Variants in SOD3 observed in about 807,000 individuals in gnomAD.
The protein encoded by SOD3 is superoxide dismutase 3.
SOD3 carries 3 observed loss-of-function variants against 2.6 expected under a neutral mutation model. The observed-to-expected ratio is 1.13, with a 90% CI of 0.52 to 2.93. The LOEUF (loss-of-function observed/expected upper bound fraction) is 2.93, where lower values mean the gene tolerates loss of function less well. SOD3 is among the 30% of genes most tolerant of loss of function. The pLI is 0.04. For synonymous variants in SOD3, 188 were observed against 177.5 expected (o/e 1.06, Z -0.47); for missense variants, 379 against 370.4 (o/e 1.02, Z -0.19).
intron 1 of SOD3, among the ~76,000 whole-genome samples, chr4:24,797,596 T>G (rs1713710054): frequency 6.6e-6 from 1 of 152,166 alleles, no homozygotes; most frequent in African/African-American, 2.4e-5. Flanking sequence ...GATGAGACAG[T>G]GTACAGTCTG....
Position 24,800,403 on chromosome 4 carries a change from G to A in SOD3, c.*159G>A, listed in dbSNP as rs1422491008. Reference sequence around the variant, plus strand: ...CTCCACCCAGAGGTCTCCCTATACCGAGACCCACCATCCTTCCATCCTGAG... The same window carrying A: ...CTCCACCCAGAGGTCTCCCTATACCAAGACCCACCATCCTTCCATCCTGAG... On this transcript the variant is annotated 3_prime_UTR_variant, in exon 2 of 2. Transcript: ENST00000382120. The A allele has an allele frequency of 2.9e-6, 2 of 697,800 alleles. No individual in the cohort carries two copies. The highest frequency in any genetic ancestry group is 4.6e-4 in the Middle Eastern group (1 of 2,170). 43.2% of individuals were successfully genotyped at this position (697,800 alleles called of 1,614,324 possible).
At position 24,798,610 on chromosome 4, in the gene SOD3, C is replaced by G. The variant is rs146918687; in HGVS notation, c.-16-896C>G. On this transcript the variant is annotated intron_variant, in intron 1 of 1. Transcript: ENST00000382120. Reference sequence around the variant, plus strand: ...TCCCCTTTCCTCTTCATCCCAAAGTCCAACCCATATCCTTTTACCAGTAGG... The same window carrying G: ...TCCCCTTTCCTCTTCATCCCAAAGTGCAACCCATATCCTTTTACCAGTAGG... Among the ~76,000 whole-genome samples the G allele has an allele frequency of 2.6e-5, 4 of 152,272 alleles. No homozygotes were observed. In the East Asian group the frequency reaches 7.7e-4, roughly 29 times the overall value.
chr4:24,796,869 G>A (rs887973982), intron 1 of SOD3, among the ~76,000 whole-genome samples: 1 of 152,114 alleles, frequency 6.6e-6, no homozygotes, highest in Non-Finnish European at 1.5e-5. Flanking sequence ...GTGCTTTTAG[G>A]GAGAACTTTC....
rs768233733 is a variant in SOD3 at position 24,799,940 on chromosome 4, C to G, written c.419C>G (p.Pro140Arg). The G allele has an allele frequency of 2.5e-6, 4 of 1,594,888 alleles. No homozygotes were observed. The highest frequency in any genetic ancestry group is 3.4e-6 in the Non-Finnish European group (4 of 1,177,264). The change falls in exon 2 of 2, where the codon CCG becomes CGG. Residue 140 changes from proline (P) to arginine (R), a missense_variant. Transcript: ENST00000382120. ...TACAACCCGCTGGCCGTGCCGCACC[C>G]GCAGCACCCGGGCGACTTCGGCAAC... ...PHYNPLAVPH[P>R]QHPGDFGNFA...
Position 24,799,849 on chromosome 4 carries a change from A to T in SOD3, c.328A>T (p.Ser110Cys), listed in dbSNP as rs767330786. The change falls in exon 2 of 2, where the codon AGC becomes TGC. Residue 110 changes from serine to cysteine, a missense_variant. Transcript: ENST00000382120. The part of the protein sequence containing the change: ...EGFPTEPNSS[S>C]RAIHVHQFGD... ...CTTCCCGACCGAGCCGAACAGCTCCAGCCGCGCCATCCACGTGCACCAGTT... is the reference window on the plus strand; with the variant it reads ...CTTCCCGACCGAGCCGAACAGCTCCTGCCGCGCCATCCACGTGCACCAGTT... 41 of 1,602,352 alleles carry T rather than the reference A, an allele frequency of 2.6e-5. No individual in the cohort carries two copies. The South Asian group carries it at 4.3e-4, about 17-fold the overall frequency.
At chr4:24,797,467 G>A (rs577717412) in intron 1 of SOD3, among the ~76,000 whole-genome samples, 39 of 152,242 alleles carry the variant, frequency 2.6e-4, no homozygotes, top group East Asian at 1.9e-3. Context: ...AGTGTCTGGC[G>A]CCTGTGTTCG....
chr4:24,795,898 G>T (rs2109069018), intron 1 of SOD3, among the ~76,000 whole-genome samples: 1 of 152,228 alleles, frequency 6.6e-6, no homozygotes, highest in South Asian at 2.1e-4. Flanking sequence ...GGATTTTAGT[G>T]TTAGGAAAAG....
Position 24,799,478 on chromosome 4 carries a change from C to A in SOD3, c.-16-28C>A, listed in dbSNP as rs981479726. The stretch of plus-strand genomic sequence containing the variant: ...TTTCACGTGACTAAGCCTCACTCTG[C>A]CCCCACCTCCGCGGGGGCGTCCCGC... On this transcript the variant is annotated intron_variant, in intron 1 of 1. Transcript: ENST00000382120. The A allele has an allele frequency of 2.5e-6, 4 of 1,589,670 alleles. No homozygotes were observed. The African/African-American group carries it at 5.4e-5, about 21-fold the overall frequency.
At position 24,800,170 on chromosome 4, in the gene SOD3, C is replaced by A; in HGVS notation, c.649C>A (p.Leu217Ile). ...CGTGGTGGGCGTGTGCGGGCCCGGG[C>A]TCTGGGAGCGCCAGGCGCGGGAGCA... The part of the protein sequence containing the change: ...CCVVGVCGPG[L>I]WERQAREHSE... Residue 217 changes from leucine (L) to isoleucine (I), a missense_variant, in exon 2 of 2, where the codon CTC becomes ATC. Physicochemically the swap from Leu to Ile is conservative, Grantham distance 5 (BLOSUM62 2). Transcript: ENST00000382120. 7.0e-7 allele frequency: 1 copy of A among 1,419,556 alleles called. No homozygotes were observed. Among genetic ancestry groups the A allele is most frequent in the Non-Finnish European group, 9.1e-7 (1 of 1,094,806 alleles). 87.9% of individuals were successfully genotyped at this position (1,419,556 alleles called of 1,614,324 possible). A position where few individuals can be genotyped will look rare whatever the true frequency, so the allele number is the denominator to read the frequency against.
chr4:24,799,941 G>A lies in SOD3; in HGVS notation c.420G>A (p.Pro140=), dbSNP rs778352389. The A allele has an allele frequency of 5.0e-6, 8 of 1,594,578 alleles. No homozygotes were observed. Among genetic ancestry groups the A allele is most frequent in the Non-Finnish European group, 5.9e-6 (7 of 1,177,136 alleles). ...ACAACCCGCTGGCCGTGCCGCACCC[G>A]CAGCACCCGGGCGACTTCGGCAACT... The part of the protein sequence containing the change: ...PHYNPLAVPH[P]QHPGDFGNFA... The change falls in exon 2 of 2, where the codon CCG becomes CCA. Residue 140 remains proline (P), a synonymous_variant. Coordinates refer to ENST00000382120, the MANE Select transcript of SOD3 (RefSeq NM_003102.4).
In SOD3 at chr4:24,800,072, A is replaced by G. The variant is rs1713798792; in HGVS notation, c.551A>G (p.Glu184Gly). 7.0e-7 allele frequency: 1 copy of G among 1,431,212 alleles called. No homozygotes were observed. The highest frequency in any genetic ancestry group is 9.1e-7 in the Non-Finnish European group (1 of 1,104,224). The allele number at this position is 1,431,212 out of a possible 1,614,324, so 88.7% of individuals were successfully genotyped here. A position where few individuals can be genotyped will look rare whatever the true frequency, so the allele number is the denominator to read the frequency against. ...VGRAVVVHAG[E>G]DDLGRGGNQA... is the part of the protein sequence containing the mutation. Reference sequence around the variant, plus strand: ...CGGGCCGTGGTCGTCCACGCTGGCGAGGACGACCTGGGCCGCGGCGGCAAC... The same window carrying G: ...CGGGCCGTGGTCGTCCACGCTGGCGGGGACGACCTGGGCCGCGGCGGCAAC... Residue 184 changes from glutamate to glycine, a missense_variant, in exon 2 of 2, where the codon GAG becomes GGG. By Grantham distance (98) the Glu-to-Gly change is moderately conservative. Coordinates refer to ENST00000382120, the MANE Select transcript of SOD3 (RefSeq NM_003102.4).
At chr4:24,798,027 G>A (rs1482107106) in intron 1 of SOD3, among the ~76,000 whole-genome samples, 1 of 152,116 alleles carries the variant, frequency 6.6e-6, no homozygotes, top group African/African-American at 2.4e-5. Context: ...TTTGATAGAG[G>A]TGTCTTCTTT....
rs564202466 is a variant in SOD3 at position 24,796,835 on chromosome 4, C to T, written c.-17+1184C>T. ...TTGAAAAAGAAAGCTCACTGACACA[C>T]CCAAAACAATCTGGTTTTGCTCTGT... On this transcript the variant is annotated intron_variant, in intron 1 of 1. Coordinates refer to ENST00000382120, the MANE Select transcript of SOD3 (RefSeq NM_003102.4). 1.2e-4 allele frequency among the ~76,000 whole-genome samples: 19 copies of T among 152,246 alleles called. No homozygotes were observed. The South Asian group carries it at 3.7e-3, about 30-fold the overall frequency.
chr4:24,799,670 T>C lies in SOD3; in HGVS notation c.149T>C (p.Met50Thr). 1.9e-6 allele frequency: 3 copies of C among 1,600,146 alleles called. No individual in the cohort carries two copies. The highest frequency in any genetic ancestry group is 2.6e-6 in the Non-Finnish European group (3 of 1,176,198). ...AKVTEIWQEV[M>T]QRRDDDGALH... ...GTCACGGAGATCTGGCAGGAGGTCA[T>C]GCAGCGGCGGGACGACGACGGCGCG... Residue 50 changes from methionine (M) to threonine (T), a missense_variant, in exon 2 of 2, where the codon ATG (methionine) becomes ACG (threonine). Physicochemically the swap from Met to Thr is moderately conservative, Grantham distance 81. Transcript: ENST00000382120.
chr4:24,799,744 C>A lies in SOD3; in HGVS notation c.223C>A (p.Gln75Lys). ...VQPSATLDAA[Q>K]PRVTGVVLFR... is the part of the protein sequence containing the mutation. ...GCCGTCGGCCACGCTGGACGCCGCG[C>A]AGCCCCGGGTGACCGGCGTCGTCCT... is the stretch of plus-strand genomic sequence containing the variant. Residue 75 changes from glutamine to lysine, a missense_variant, in exon 2 of 2, where the codon CAG becomes AAG. Physicochemically the swap from Gln to Lys is moderately conservative, Grantham distance 53. Coordinates refer to ENST00000382120, the MANE Select transcript of SOD3 (RefSeq NM_003102.4). 6.4e-7 allele frequency: 1 copy of A among 1,561,920 alleles called. No individual in the cohort carries two copies.
rs748506651 is a variant in SOD3, at chr4:24,799,716, G to A, written c.195G>A (p.Val65=). Residue 65 remains valine (V), a synonymous_variant, in exon 2 of 2, where the codon GTG becomes GTA. Transcript: ENST00000382120. ...DDGALHAACQ[V]QPSATLDAAQ... The stretch of plus-strand genomic sequence containing the variant: ...GCGCGCTCCACGCCGCCTGCCAGGT[G>A]CAGCCGTCGGCCACGCTGGACGCCG... The A allele has an allele frequency of 4.3e-5, 67 of 1,567,886 alleles. No homozygotes were observed. The Middle Eastern group carries it at 8.3e-4, about 19-fold the overall frequency.
chr4:24,800,143 T>C lies in SOD3; in HGVS notation c.622T>C (p.Cys208Arg). 2 of 1,387,308 alleles carry C rather than the reference T, an allele frequency of 1.4e-6. No homozygotes were observed. The highest frequency in any genetic ancestry group is 1.8e-6 in the Non-Finnish European group (2 of 1,081,462). 85.9% of individuals were successfully genotyped at this position (1,387,308 alleles called of 1,614,324 possible). A position where few individuals can be genotyped will look rare whatever the true frequency, so the allele number is the denominator to read the frequency against. Residue 208 changes from cysteine to arginine, a missense_variant, in exon 2 of 2, where the codon TGC (cysteine) becomes CGC (arginine). Physicochemically the swap from Cys to Arg is radical, Grantham distance 180. Coordinates refer to ENST00000382120, the MANE Select transcript of SOD3 (RefSeq NM_003102.4). ...NGNAGRRLAC[C>R]VVGVCGPGLW... The stretch of plus-strand genomic sequence containing the variant: ...GAACGCGGGCCGGCGGCTGGCCTGC[T>C]GCGTGGTGGGCGTGTGCGGGCCCGG...
At chr4:24,799,356 C>T (rs1306749318) in intron 1 of SOD3, 150 bp from the exon 2 acceptor site, 9 of 892,614 alleles carry the variant, frequency 1.0e-5, no homozygotes, top group Non-Finnish European at 1.5e-5. Flanking sequence ...AGGCCCTAGA[C>T]AAACGTTTGC....
At position 24,799,830 on chromosome 4, in the gene SOD3, G is replaced by C; in HGVS notation, c.309G>C (p.Pro103=). The change falls in exon 2 of 2, where the codon CCG becomes CCC. Residue 103 remains proline (P), a synonymous_variant. Coordinates refer to ENST00000382120, the MANE Select transcript of SOD3 (RefSeq NM_003102.4). The part of the protein sequence containing the change: ...LDAFFALEGF[P]TEPNSSSRAI... ...CCTTCTTCGCCCTGGAGGGCTTCCC[G>C]ACCGAGCCGAACAGCTCCAGCCGCG... The C allele has an allele frequency of 6.2e-7, 1 of 1,600,600 alleles. No individual in the cohort carries two copies. Among genetic ancestry groups the C allele is most frequent in the South Asian group, 1.1e-5 (1 of 90,682 alleles).
Sources: gnomAD v4.1 joint callset for allele counts (sites outside exome capture counted in the v4.1 genomes callset) on GRCh38, gnomAD v4.1.1 for gene constraint, MANE v1.5 for transcripts, NCBI Gene and HGNC (gene_info 2026-07-23, HGNC 2026-07-21) for gene names.